Variants in SCAF11 observed in about 807,000 individuals in gnomAD.
SCAF11 encodes SR-related CTD associated factor 11, also known as protein SCAF11.
Under a neutral mutation model 140.5 loss-of-function variants are expected in SCAF11, and 47 were observed. The observed-to-expected ratio is 0.33, with a 90% CI of 0.26 to 0.43. The LOEUF is 0.43. Among genes scored for constraint, SCAF11 ranks in the 20% least tolerant of loss-of-function variants. The pLI, the probability that SCAF11 is intolerant of heterozygous loss-of-function variation, is 1.00. For missense variants in SCAF11, 1,645 were observed against 1,705.1 expected (o/e 0.96, Z 0.62); for synonymous variants, 557 against 579.4 (o/e 0.96, Z 0.55).
intron 1 of SCAF11, among the ~76,000 whole-genome samples, chr12:45,972,061 C>G (rs1486532189): frequency 1.3e-5 from 2 of 152,126 alleles, no homozygotes; most frequent in African/African-American, 4.8e-5. Flanking sequence ...CCAAGCTGAA[C>G]GTATGTGGAT....
At chr12:45,922,654 T>G in intron 13 of SCAF11, 72 bp from the exon 14 acceptor site, 1 of 1,400,754 alleles carries the variant, frequency 7.1e-7, no homozygotes, top group Non-Finnish European at 9.6e-7. Flanking sequence ...AACAAGAAAT[T>G]GAAAATACTT....
At chr12:45,972,867 T>TCG (rs1946111644) in intron 1 of SCAF11, among the ~76,000 whole-genome samples, 3 of 40,080 alleles carry the variant, frequency 7.5e-5, no homozygotes, top group African/African-American at 2.1e-4. Flanking sequence ...TATATATCGA[T>TCG]ATATATATAT....
chr12:45,962,065 CTT>C (rs1945846474), intron 2 of SCAF11, among the ~76,000 whole-genome samples: 1 of 152,090 alleles, frequency 6.6e-6, no homozygotes, highest in Non-Finnish European at 1.5e-5. Flanking sequence ...CTGAAACAAA[CTT>C]TTCATTAATT....
rs1944751135 is a variant in SCAF11 at position 45,922,993 on chromosome 12, T to C, written c.4068A>G (p.Ala1356=). The change falls in exon 13 of 15, where the codon GCA becomes GCG. Residue 1356 remains alanine (A), a synonymous_variant. Coordinates refer to ENST00000369367, the MANE Select transcript of SCAF11 (RefSeq NM_004719.3). ...SKASNAAVKL[A]ESKVSVAVEA... ...CCACTGCAACACTTACTTTGCTTTCTGCCAATTTTACAGCAGCATTAGAGG... is the reference window on the plus strand; with the variant it reads ...CCACTGCAACACTTACTTTGCTTTCCGCCAATTTTACAGCAGCATTAGAGG... 3 of 1,614,086 alleles carry C rather than the reference T, an allele frequency of 1.9e-6. No homozygotes were observed. The highest frequency in any genetic ancestry group is 1.6e-4 in the Middle Eastern group (1 of 6,084).
intron 4 of SCAF11, 130 bp from the exon 5 acceptor site, chr12:45,948,667 T>C (rs1420753929): frequency 4.9e-6 from 3 of 611,786 alleles, no homozygotes; most frequent in South Asian, 2.0e-5. Context: ...CAAATACATA[T>C]GCTTATTCAT....
At chr12:45,983,607 C>G (rs1446251662) in intron 1 of SCAF11, among the ~76,000 whole-genome samples, 4 of 152,226 alleles carry the variant, frequency 2.6e-5, no homozygotes, top group Admixed American at 1.3e-4. Context: ...GCTATTACCA[C>G]TGGACTTAGA....
At chr12:45,989,821 A>G (rs886850233) in intron 1 of SCAF11, among the ~76,000 whole-genome samples, 5 of 149,656 alleles carry the variant, frequency 3.3e-5, no homozygotes, top group African/African-American at 1.3e-4. Context: ...GTCACGGCGT[A>G]GTAAAGTTTG....
Position 45,990,344 on chromosome 12 carries a change from A to G in SCAF11, c.-22+9T>C. The G allele has an allele frequency of 8.1e-7, 1 of 1,231,824 alleles. No individual in the cohort carries two copies. Among genetic ancestry groups the G allele is most frequent in the Non-Finnish European group, 1.0e-6 (1 of 988,134 alleles). 76.3% of individuals were successfully genotyped at this position (1,231,824 alleles called of 1,614,324 possible). A position where few individuals can be genotyped will look rare whatever the true frequency, so the allele number is the denominator to read the frequency against. On this transcript the variant is annotated intron_variant, in intron 1 of 14. Coordinates refer to ENST00000369367, the MANE Select transcript of SCAF11 (RefSeq NM_004719.3). ...AGCCCATCCACCCCGCGGGTCGACC[A>G]GTGTTTACCTCAGACCGAGGTCGAG...
At position 45,927,835 on chromosome 12, in the gene SCAF11, C is replaced by T. The variant is rs1233681350; in HGVS notation, c.1866G>A (p.Val622=). 27 of 1,613,962 alleles carry T rather than the reference C, an allele frequency of 1.7e-5. No homozygotes were observed. Among genetic ancestry groups the T allele is most frequent in the Non-Finnish European group, 2.1e-5 (25 of 1,179,970 alleles). ...ESSEGEIIQT[V]DRQSVKSPEV... ...CTGGGCTCTTAACAGATTGTCTGTC[C>T]ACTGTCTGTATAATTTCACCCTCAG... The change falls in exon 11 of 15, where the codon GTG becomes GTA. Residue 622 remains valine, a synonymous_variant. Coordinates refer to ENST00000369367, the MANE Select transcript of SCAF11 (RefSeq NM_004719.3).
rs1004129868 is a variant in SCAF11 at position 45,920,919 on chromosome 12, T to C, written c.*1129A>G. On this transcript the variant is annotated 3_prime_UTR_variant, in exon 15 of 15. Transcript: ENST00000369367. ...AATTCTCGAATTGGCACAAATAATTTATCGTCTGCAACGGGTAGAAGAAGA... is the reference window on the plus strand; with the variant it reads ...AATTCTCGAATTGGCACAAATAATTCATCGTCTGCAACGGGTAGAAGAAGA... The C allele has an allele frequency of 2.0e-5, 3 of 152,176 alleles. No individual in the cohort carries two copies. The highest frequency in any genetic ancestry group is 7.2e-5 in the African/African-American group (3 of 41,448). The allele number at this position is 152,176 out of a possible 1,614,324, so 9.4% of individuals were successfully genotyped here.
intron 1 of SCAF11, among the ~76,000 whole-genome samples, chr12:45,989,365 A>G (rs764194815): frequency 3.3e-5 from 5 of 152,248 alleles, no homozygotes; most frequent in Admixed American, 6.5e-5. Context: ...ATTTTTCAGC[A>G]GTTTTGCTTA....
At chr12:45,962,231 A>G (rs1413577859) in intron 2 of SCAF11, among the ~76,000 whole-genome samples, 2 of 152,236 alleles carry the variant, frequency 1.3e-5, no homozygotes, top group African/African-American at 4.8e-5. Flanking sequence ...ACAGAAAAAC[A>G]AATGCTAATA....
rs10880868 is a variant in SCAF11, at chr12:45,928,666, C to T, written c.1035G>A (p.Gly345=). ...SQRSPISDNS[G]CDAPGNSNPS... ...GATTACTGTTACCTGGGGCATCACACCCAGAATTGTCTGATATTGGGGATC... is the reference window on the plus strand; with the variant it reads ...GATTACTGTTACCTGGGGCATCACATCCAGAATTGTCTGATATTGGGGATC... The change falls in exon 11 of 15, where the codon GGG becomes GGA. Residue 345 remains glycine, a synonymous_variant. Transcript: ENST00000369367. The T allele has an allele frequency of 0.19, 308,748 of 1,613,812 alleles. 31,648 individuals carry two copies. The highest frequency in any genetic ancestry group is 0.23 in the Middle Eastern group (1,394 of 6,062).
chr12:45,951,662 T>C lies in SCAF11; in HGVS notation c.285A>G (p.Glu95=). 6.3e-7 allele frequency: 1 copy of C among 1,585,604 alleles called. No homozygotes were observed. The change falls in exon 4 of 15, where the codon GAA becomes GAG. Residue 95 remains glutamate, a synonymous_variant. Transcript: ENST00000369367. ...FQAVFKFSAL[E]GYVKVQVKKQ... is the part of the protein sequence containing the mutation. ...TAAAAAGACTTACCTTAACATAACCTTCCAATGCACTGAATTTAAACACTG... is the reference window on the plus strand; with the variant it reads ...TAAAAAGACTTACCTTAACATAACCCTCCAATGCACTGAATTTAAACACTG...
Position 45,941,250 on chromosome 12 carries a change from A to T in SCAF11, c.463+3999T>A, listed in dbSNP as rs1421396770. 2.0e-5 allele frequency among the ~76,000 whole-genome samples: 3 copies of T among 152,338 alleles called. No individual in the cohort carries two copies. The East Asian group carries it at 5.8e-4, about 29-fold the overall frequency. ...CTCTATGGTCGTAGACACCTTACTT[A>T]TCGAAAAACGAATTTGCCTGTCATC... On this transcript the variant is annotated intron_variant, in intron 6 of 14. Transcript: ENST00000369367.
At chr12:45,953,830 C>T (rs1377429586) in intron 3 of SCAF11, 1 of 853,544 alleles carries the variant, frequency 1.2e-6, no homozygotes, top group Non-Finnish European at 1.7e-6. Flanking sequence ...TAACTTACCT[C>T]TAAGGTTTTT....
At chr12:45,948,938 GA>G (rs969742469) in intron 4 of SCAF11, among the ~76,000 whole-genome samples, 46 of 152,228 alleles carry the variant, frequency 3.0e-4, no homozygotes, top group African/African-American at 1.1e-3. Context: ...GAGTTGTAAG[GA>G]ACAGTGAGAA....
intron 1 of SCAF11, among the ~76,000 whole-genome samples, chr12:45,964,745 CA>C (rs1945904909): frequency 1.3e-5 from 2 of 151,836 alleles, no homozygotes; most frequent in Admixed American, 1.3e-4. Context: ...GTGGCACAGA[CA>C]TAAATGCAAT....
chr12:45,953,502 C>A (rs1052854466), intron 3 of SCAF11, among the ~76,000 whole-genome samples: 2 of 152,154 alleles, frequency 1.3e-5, no homozygotes, highest in African/African-American at 4.8e-5. Flanking sequence ...CATGATCACA[C>A]CACTGTACTG....
Sources: gnomAD v4.1 joint callset for allele counts (sites outside exome capture counted in the v4.1 genomes callset) on GRCh38, gnomAD v4.1.1 for gene constraint, MANE v1.5 for transcripts, NCBI Gene and HGNC (gene_info 2026-07-23, HGNC 2026-07-21) for gene names.